AGBL1: variants seen among roughly 807,000 people sequenced by gnomAD.
AGBL1 encodes AGBL carboxypeptidase 1.
A neutral mutation model predicts 118.9 loss-of-function variants in AGBL1; 130 were observed. The observed-to-expected ratio is 1.09, with a 90% CI of 0.95 to 1.26. The LOEUF (loss-of-function observed/expected upper bound fraction) is 1.26. Among genes scored for constraint, AGBL1 ranks in the 50% most tolerant of loss-of-function variants. The probability of loss-of-function intolerance (pLI) is 0.00; values close to 1 mark genes in which losing one functional copy is unlikely to be tolerated. For missense variants in AGBL1, 1,584 were observed against 1,298.1 expected, an observed-to-expected ratio of 1.22 and a Z score of -3.38; for synonymous variants, 555 against 478.9, an observed-to-expected ratio of 1.16 and a Z score of -2.08.
intron 1 of AGBL1, among the ~76,000 whole-genome samples, chr15:86,104,313 T>A (rs1006402403): frequency 6.6e-6 from 1 of 152,130 alleles, no homozygotes; most frequent in Non-Finnish European, 1.5e-5. Context: ...AGGACAGCAG[T>A]GGCTGTGTCA....
intron 17 of AGBL1, among the ~76,000 whole-genome samples, chr15:86,356,868 A>C (rs1449077398): frequency 6.7e-6 from 1 of 149,604 alleles, no homozygotes; most frequent in Non-Finnish European, 1.5e-5. Context: ...GCTGAGTCCC[A>C]CAAGGGTACC....
intron 22 of AGBL1, among the ~76,000 whole-genome samples, chr15:86,775,462 G>C (rs543673204): frequency 2.0e-5 from 3 of 152,080 alleles, no homozygotes; most frequent in Non-Finnish European, 4.4e-5. Flanking sequence ...AAATCTATTG[G>C]TGCATCTTAG....
intron 22 of AGBL1, among the ~76,000 whole-genome samples, chr15:86,732,336 T>A (rs895560794): frequency 6.6e-6 from 1 of 152,238 alleles, no homozygotes; most frequent in Non-Finnish European, 1.5e-5. Flanking sequence ...TCTCATATAA[T>A]CTACTCCACC....
chr15:86,513,627 G>A lies in AGBL1; in HGVS notation c.2556-9183G>A, dbSNP rs556688699. ...TACATTGCTGATTGTTGCTTGTATC[G>A]ATTATTACTGTGATGTTTGTCAAAT... On this transcript the variant is annotated intron_variant, in intron 18 of 22. Coordinates refer to ENST00000614907, the MANE Select transcript of AGBL1 (RefSeq NM_001386094.1). Among the ~76,000 whole-genome samples, 273 of 151,964 alleles carry A rather than the reference G, an allele frequency of 1.8e-3. 9 individuals are homozygous for A. In the South Asian group the frequency reaches 0.054, roughly 30 times the overall value.
At chr15:86,741,329 G>A (rs1397125392) in intron 22 of AGBL1, among the ~76,000 whole-genome samples, 3 of 128,178 alleles carry the variant, frequency 2.3e-5, no homozygotes, top group South Asian at 2.7e-4. Flanking sequence ...CAGAAACACT[G>A]AGCCTGTAAA....
intron 18 of AGBL1, among the ~76,000 whole-genome samples, chr15:86,493,260 C>T (rs575552441): frequency 1.1e-4 from 17 of 152,016 alleles, no homozygotes; most frequent in South Asian, 4.2e-4. Flanking sequence ...AGAGACAACA[C>T]GGTGATCACG....
In AGBL1 at chr15:86,397,563, G is replaced by GC. The variant is rs750782688; in HGVS notation, c.2555+18dup. On this transcript the variant is annotated intron_variant, in intron 18 of 22. Coordinates refer to ENST00000614907, the MANE Select transcript of AGBL1 (RefSeq NM_001386094.1). Reference sequence around the variant, plus strand: ...CAACGGCAAGTATGTCAGGCACCTGGCTCAGCCAAACCCACAATTATGCTA... The same window carrying GC: ...CAACGGCAAGTATGTCAGGCACCTGGCCTCAGCCAAACCCACAATTATGCTA... 2 of 1,588,324 alleles carry GC rather than the reference G, an allele frequency of 1.3e-6. No individual in the cohort carries two copies. Among genetic ancestry groups the GC allele is most frequent in the East Asian group, 2.2e-5 (1 of 44,614 alleles).
chr15:86,733,301 T>C (rs2077551714), intron 22 of AGBL1, among the ~76,000 whole-genome samples: 1 of 152,030 alleles, frequency 6.6e-6, no homozygotes, highest in Non-Finnish European at 1.5e-5. Context: ...TGATAAAAAG[T>C]TTTCTCTTCC....
intron 6 of AGBL1, among the ~76,000 whole-genome samples, chr15:86,232,354 C>G (rs955413541): frequency 2.6e-5 from 4 of 152,132 alleles, no homozygotes; most frequent in African/African-American, 9.7e-5. Context: ...TGGTGCTGTT[C>G]TTTTAGTTAT....
At chr15:86,838,683 T>C (rs1335118767) in intron 22 of AGBL1, among the ~76,000 whole-genome samples, 1 of 151,896 alleles carries the variant, frequency 6.6e-6, no homozygotes, top group African/African-American at 2.4e-5. Context: ...CTCATGCCTG[T>C]AATCCCAGCA....
chr15:86,114,226 T>G (rs1208837770), intron 1 of AGBL1, among the ~76,000 whole-genome samples: 1 of 152,244 alleles, frequency 6.6e-6, no homozygotes, highest in Non-Finnish European at 1.5e-5. Flanking sequence ...AAGATGATGT[T>G]ATATTTAAAA....
chr15:86,671,705 G>C (rs1371132080), intron 21 of AGBL1, among the ~76,000 whole-genome samples: 1 of 152,130 alleles, frequency 6.6e-6, no homozygotes, highest in Admixed American at 6.5e-5. Context: ...GGGAGAACAA[G>C]ATTTAAAGGC....
At chr15:86,470,762 C>T (rs2082469321) in intron 18 of AGBL1, among the ~76,000 whole-genome samples, 1 of 151,768 alleles carries the variant, frequency 6.6e-6, no homozygotes, top group South Asian at 2.1e-4. Flanking sequence ...CAGTTAAATG[C>T]ATTTCTAAGT....
At chr15:86,279,397 C>T (rs768931476) in intron 15 of AGBL1, among the ~76,000 whole-genome samples, 3 of 152,192 alleles carry the variant, frequency 2.0e-5, no homozygotes, top group Non-Finnish European at 2.9e-5. Context: ...GTAGCATATA[C>T]GGCACAATTG....
chr15:86,385,967 C>T (rs1399903276), intron 17 of AGBL1, among the ~76,000 whole-genome samples: 1 of 39,872 alleles, frequency 2.5e-5, no homozygotes, highest in Non-Finnish European at 4.6e-5. Flanking sequence ...CCCCCATCCC[C>T]CCTCCTCCCC....
intron 17 of AGBL1, among the ~76,000 whole-genome samples, chr15:86,330,115 C>T (rs1567202077): frequency 6.6e-6 from 1 of 152,330 alleles, no homozygotes; most frequent in East Asian, 1.9e-4. Flanking sequence ...CCTGGCCCTG[C>T]CCACTGTGGC....
intron 24 of AGBL1, among the ~76,000 whole-genome samples, chr15:87,023,070 C>A (rs957138380): frequency 2.6e-5 from 4 of 151,694 alleles, no homozygotes; most frequent in African/African-American, 7.2e-5. Context: ...AAAATGAAGT[C>A]AAAAAAACCA....
At chr15:86,592,921 G>C (rs1003337768) in intron 21 of AGBL1, among the ~76,000 whole-genome samples, 1 of 152,100 alleles carries the variant, frequency 6.6e-6, no homozygotes, top group Non-Finnish European at 1.5e-5. Context: ...CTAGCTACCT[G>C]CTCTAACAAA....
chr15:86,273,533 C>T (rs763882321), intron 15 of AGBL1, among the ~76,000 whole-genome samples: 8 of 152,236 alleles, frequency 5.3e-5, no homozygotes, highest in East Asian at 1.9e-4. Flanking sequence ...CAAATTAGAA[C>T]GCCTCTCTCA....
Sources: allele counts gnomAD v4.1 joint callset (sites outside exome capture counted in the v4.1 genomes callset), GRCh38; gene constraint gnomAD v4.1.1; transcripts MANE v1.5; gene names NCBI Gene and HGNC (gene_info 2026-07-23, HGNC 2026-07-21).